ZNF721: variants seen among roughly 807,000 people sequenced by gnomAD.
ZNF721 encodes zinc finger protein 721.
A neutral mutation model predicts 2.4 loss-of-function variants in ZNF721; 2 were observed. The ratio of observed to expected loss-of-function variants is 0.82; its 90% CI spans 0.34 to 2.58. The LOEUF (loss-of-function observed/expected upper bound fraction) is 2.58. ZNF721 is among the 30% of genes most tolerant of loss of function. The pLI is 0.11. For synonymous variants in ZNF721, 398 were observed against 381.8 expected, an observed-to-expected ratio of 1.04 and a Z score of -0.50; for missense variants, 1,187 against 1,085.5, an observed-to-expected ratio of 1.09 and a Z score of -1.31.
intron 2 of ZNF721, among the ~76,000 whole-genome samples, chr4:444,979 CTTTTTTTTTTTT>C (rs569762644): frequency 1.8e-5 from 2 of 108,736 alleles, no homozygotes; most frequent in Non-Finnish European, 3.5e-5. Context: ...TGATGAGAGA[CTTTTTTTTTTTT>C]TTTTTTTTTT....
At position 441,917 on chromosome 4, in the gene ZNF721, T is replaced by G. The variant is rs782295051; in HGVS notation, c.2550A>C (p.Ala850=). 2 of 1,613,944 alleles carry G rather than the reference T, an allele frequency of 1.2e-6. No homozygotes were observed. The highest frequency in any genetic ancestry group is 4.5e-5 in the East Asian group (2 of 44,878). Residue 850 remains alanine, a synonymous_variant, in exon 3 of 3, where the codon GCA becomes GCC. Coordinates refer to ENST00000511833, the MANE Select transcript of ZNF721 (RefSeq NM_133474.4). ...EECGKAFRQS[A]ILYVHRRIHT... ...GAATTCTCCTATGTACATAAAGGAT[T>G]GCTGACTGTCTAAAGGCTTTGCCAC...
rs1310948256 is a variant in ZNF721 at position 442,710 on chromosome 4, T to C, written c.1757A>G (p.Lys586Arg). ...RRIHTGEKPYKCEECGKAFGR... is the reference protein window; with the variant it reads ...RRIHTGEKPYRCEECGKAFGR... ...AAAGGCTTTGCCACACTCTTCACAT[T>C]TGTAAGGTTTCTCTCCAGTATGAAT... The change falls in exon 3 of 3, where the codon AAA becomes AGA. Residue 586 changes from lysine (K) to arginine (R), a missense_variant. Lys to Arg is a conservative substitution (Grantham distance 26). Transcript: ENST00000511833. 3.1e-6 allele frequency: 5 copies of C among 1,614,066 alleles called. No homozygotes were observed. The African/African-American group carries it at 4.0e-5, about 13-fold the overall frequency.
intron 2 of ZNF721, among the ~76,000 whole-genome samples, chr4:461,252 G>A (rs567871575): frequency 1.3e-5 from 2 of 152,078 alleles, no homozygotes; most frequent in African/African-American, 2.4e-5. Context: ...AAGCTTATCC[G>A]CCATGATCAA....
rs1458464206 is a variant in ZNF721, at chr4:443,037, T to G, written c.1430A>C (p.Gln477Pro). ...GGATGAGGTAATGACTTTGCCACAT[T>G]GCTTACATTTGTAGGGTTTCTTTCC... ...HTGKKPYKCK[Q>P]CGKVITSSSS... The change falls in exon 3 of 3, where the codon CAA becomes CCA. Residue 477 changes from glutamine to proline, a missense_variant. Transcript: ENST00000511833. The G allele has an allele frequency of 1.2e-6, 2 of 1,613,738 alleles. No homozygotes were observed. Among genetic ancestry groups the G allele is most frequent in the South Asian group, 1.1e-5 (1 of 91,078 alleles).
intron 1 of ZNF721, among the ~76,000 whole-genome samples, chr4:483,043 CTG>C (rs34874772): frequency 0.18 from 27,413 of 152,070 alleles, 3,076 homozygotes; most frequent in Middle Eastern, 0.26. Context: ...ACAGTAATGA[CTG>C]TATGTTTCGA....
intron 2 of ZNF721, among the ~76,000 whole-genome samples, chr4:465,909 A>G (rs1460551032): frequency 6.6e-6 from 1 of 152,086 alleles, no homozygotes; most frequent in Non-Finnish European, 1.5e-5. Context: ...TAAAAAACAG[A>G]AACTACTACA....
At chr4:468,948 C>A (rs1439616193) in intron 2 of ZNF721, among the ~76,000 whole-genome samples, 2 of 152,106 alleles carry the variant, frequency 1.3e-5, no homozygotes, top group Non-Finnish European at 2.9e-5. Context: ...ACAAAGCTCT[C>A]CTGCCTGCAA....
chr4:452,485 C>T (rs1422431565), intron 2 of ZNF721, among the ~76,000 whole-genome samples: 3 of 152,140 alleles, frequency 2.0e-5, no homozygotes, highest in Non-Finnish European at 4.4e-5. Flanking sequence ...ACAACCTCTG[C>T]GTGCAGTCAC....
At chr4:444,838 T>A (rs187759616) in intron 2 of ZNF721, among the ~76,000 whole-genome samples, 1 of 152,188 alleles carries the variant, frequency 6.6e-6, no homozygotes, top group Non-Finnish European at 1.5e-5. Flanking sequence ...AAAAACTGAT[T>A]TCTGCCTCCA....
intron 2 of ZNF721, among the ~76,000 whole-genome samples, chr4:452,392 C>A (rs1714698117): frequency 6.6e-6 from 1 of 152,178 alleles, no homozygotes; most frequent in South Asian, 2.1e-4. Context: ...ATTTGCAACC[C>A]CTACCACTAA....
chr4:466,308 G>A (rs1225121270), intron 2 of ZNF721, among the ~76,000 whole-genome samples: 2 of 152,144 alleles, frequency 1.3e-5, no homozygotes, highest in East Asian at 3.9e-4. Context: ...AACTGGTAAG[G>A]TTAAAATGGG....
chr4:449,912 TGAATA>T (rs1159402623), intron 2 of ZNF721, among the ~76,000 whole-genome samples: 1 of 152,044 alleles, frequency 6.6e-6, no homozygotes, highest in Non-Finnish European at 1.5e-5. Context: ...TTAGTGAGAA[TGAATA>T]GAAAAGGAAA....
chr4:480,828 G>GA (rs1388158132), intron 1 of ZNF721, among the ~76,000 whole-genome samples: 1 of 144,074 alleles, frequency 6.9e-6, no homozygotes, highest in Non-Finnish European at 1.5e-5. Flanking sequence ...TTTTGTGGGG[G>GA]GGGGGGGAAT....
At chr4:486,114 T>C (rs1270524655) in intron 1 of ZNF721, among the ~76,000 whole-genome samples, 2 of 152,074 alleles carry the variant, frequency 1.3e-5, no homozygotes, top group Non-Finnish European at 2.9e-5. Context: ...GAAGCATTGA[T>C]TCAGGGTGAG....
Position 442,965 on chromosome 4 carries a change from A to T in ZNF721, c.1502T>A (p.Phe501Tyr). Reference protein sequence around the residue: ...HKRIHTGEKPFECLECGKAFT... With the variant: ...HKRIHTGEKPYECLECGKAFT... ...CGCTTTACCACATTCTAAACATTCA[A>T]AGGGTTTCTCGCCAGTATGAATCCT... is the stretch of plus-strand genomic sequence containing the variant. The change falls in exon 3 of 3, where the codon TTT (phenylalanine) becomes TAT (tyrosine). Residue 501 changes from phenylalanine to tyrosine, a missense_variant. Transcript: ENST00000511833. 1 of 1,613,444 alleles carries T rather than the reference A, an allele frequency of 6.2e-7. No individual in the cohort carries two copies. Among genetic ancestry groups the T allele is most frequent in the Non-Finnish European group, 8.5e-7 (1 of 1,179,762 alleles).
intron 2 of ZNF721, among the ~76,000 whole-genome samples, chr4:462,176 T>C (rs1560233846): frequency 6.6e-6 from 1 of 151,848 alleles, no homozygotes; most frequent in East Asian, 1.9e-4. Context: ...AAGAATAAAA[T>C]ACCTAGGAAT....
chr4:472,436 C>G, intron 2 of ZNF721, 139 bp downstream of exon 2: 3 of 908,632 alleles, frequency 3.3e-6, no homozygotes, highest in Non-Finnish European at 4.9e-6. Context: ...TAAGAATTTA[C>G]TATACACATA....
intron 1 of ZNF721, among the ~76,000 whole-genome samples, chr4:484,814 T>C (rs1715852760): frequency 6.6e-6 from 1 of 152,236 alleles, no homozygotes; most frequent in South Asian, 2.1e-4. Context: ...TCGCCCTGCC[T>C]CCACTTGCCT....
chr4:443,977 G>A lies in ZNF721; in HGVS notation c.490C>T (p.Pro164Ser). ...QHKKIHTGEK[P>S]YKCEECGKAF... ...TTGCCACATTCTTCACATTTGTAAG[G>A]TTTCTCTCCAGTATGAATTTTCTTG... is the stretch of plus-strand genomic sequence containing the variant. Residue 164 changes from proline (P) to serine (S), a missense_variant, in exon 3 of 3, where the codon CCT becomes TCT. Physicochemically the swap from Pro to Ser is moderately conservative, Grantham distance 74. Coordinates refer to ENST00000511833, the MANE Select transcript of ZNF721 (RefSeq NM_133474.4). 4.3e-6 allele frequency: 7 copies of A among 1,614,120 alleles called. No individual in the cohort carries two copies. The highest frequency in any genetic ancestry group is 5.9e-6 in the Non-Finnish European group (7 of 1,180,018).
Sources: allele counts gnomAD v4.1 joint callset (sites outside exome capture counted in the v4.1 genomes callset), GRCh38; gene constraint gnomAD v4.1.1; transcripts MANE v1.5; gene names NCBI Gene and HGNC (gene_info 2026-07-23, HGNC 2026-07-21).